The following PLD1 variants were observed in gnomAD, a reference collection of about 807,000 sequenced individuals.
The protein encoded by PLD1 is choline phosphatase 1.
A neutral mutation model predicts 137.1 loss-of-function variants in PLD1; 112 were observed. The observed-to-expected ratio is 0.82, with a 90% confidence interval of 0.70 to 0.96. The LOEUF (loss-of-function observed/expected upper bound fraction) is 0.96. Ranked by LOEUF, PLD1 falls within the 40% of genes least tolerant of loss-of-function variation. The probability of loss-of-function intolerance (pLI) is 0.00; values close to 1 mark genes in which losing one functional copy is unlikely to be tolerated. For synonymous variants in PLD1, 431 were observed against 454.7 expected (o/e 0.95, Z 0.66); for missense variants, 1,321 against 1,342.0 (o/e 0.98, Z 0.24).
intron 2 of PLD1, 109 bp downstream of exon 2, chr3:171,737,783 T>G: frequency 7.4e-7 from 1 of 1,350,950 alleles, no homozygotes; most frequent in Non-Finnish European, 1.0e-6. Flanking sequence ...CTGAGCCCGG[T>G]GTTACATCTG....
rs34861885 is a variant in PLD1, at chr3:171,704,458, G to GAAA, written c.1145+4294_1145+4296dup. 3.9e-3 allele frequency among the ~76,000 whole-genome samples: 369 copies of GAAA among 95,216 alleles called. 3 individuals are homozygous for GAAA. The highest frequency in any genetic ancestry group is 0.011 in the African/African-American group (339 of 30,272). The allele number at this position is 95,216 out of a possible 152,430, so 62.5% of individuals were successfully genotyped here. A position where few individuals can be genotyped will look rare whatever the true frequency, so the allele number is the denominator to read the frequency against. ...AAGTACCTGGCACACAAAGAACCAG[G>GAAA]AAAAAAAAAAAAAAAAAAACCTTAT... On this transcript the variant is annotated intron_variant, in intron 11 of 26. Coordinates refer to ENST00000351298, the MANE Select transcript of PLD1 (RefSeq NM_002662.5).
intron 3 of PLD1, among the ~76,000 whole-genome samples, chr3:171,736,830 C>T (rs1719394289): frequency 6.6e-6 from 1 of 152,240 alleles, no homozygotes. Context: ...CCCCCGGAGA[C>T]TTAACAACTG....
chr3:171,803,744 A>G (rs1001087915), intron 1 of PLD1, among the ~76,000 whole-genome samples: 21 of 152,152 alleles, frequency 1.4e-4, no homozygotes, highest in African/African-American at 4.8e-4. Flanking sequence ...AAAAAAAGAA[A>G]TTCCTATCAT....
intron 1 of PLD1, among the ~76,000 whole-genome samples, chr3:171,775,248 A>G (rs9823312): frequency 0.12 from 17,843 of 152,032 alleles, 1,208 homozygotes; most frequent in South Asian, 0.19. Context: ...AGTTATTGCA[A>G]TATCTCAAAG....
intron 1 of PLD1, among the ~76,000 whole-genome samples, chr3:171,747,484 T>TTC (rs1489192600): frequency 2.0e-5 from 3 of 151,536 alleles, no homozygotes; most frequent in African/African-American, 7.3e-5. Context: ...TTTTTTTTTT[T>TTC]CTCCTCTAGA....
intron 11 of PLD1, among the ~76,000 whole-genome samples, chr3:171,706,199 G>A (rs1716681438): frequency 6.6e-6 from 1 of 151,094 alleles, no homozygotes; most frequent in African/African-American, 2.4e-5. Context: ...AAAATTAGTA[G>A]CCCTTATTAC....
At chr3:171,630,861 T>C (rs1443039076) in intron 23 of PLD1, among the ~76,000 whole-genome samples, 3 of 103,270 alleles carry the variant, frequency 2.9e-5, no homozygotes, top group African/African-American at 1.2e-4. Context: ...CTGGGGACTG[T>C]TGTGGGGTGG....
intron 23 of PLD1, among the ~76,000 whole-genome samples, chr3:171,630,058 C>T (rs1454899885): frequency 6.6e-6 from 1 of 151,904 alleles, no homozygotes; most frequent in African/African-American, 2.4e-5. Context: ...AAAGAAACTA[C>T]CATCAGAGTG....
chr3:171,724,640 G>T, intron 8 of PLD1, 56 bp downstream of exon 8: 1 of 972,660 alleles, frequency 1.0e-6, no homozygotes, highest in Non-Finnish European at 1.7e-6. Context: ...TGTAAAACTA[G>T]CCCAAATACC....
intron 21 of PLD1, among the ~76,000 whole-genome samples, chr3:171,657,648 T>C (rs1041116049): frequency 2.6e-5 from 4 of 152,038 alleles, no homozygotes; most frequent in Admixed American, 6.6e-5. Flanking sequence ...AGTAACAAAA[T>C]GAGTCAAATA....
intron 25 of PLD1, among the ~76,000 whole-genome samples, chr3:171,608,461 C>G (rs1454941223): frequency 6.6e-6 from 1 of 152,036 alleles, no homozygotes; most frequent in Admixed American, 6.6e-5. Flanking sequence ...TTATGAATAA[C>G]CAAGATTATT....
intron 1 of PLD1, chr3:171,788,576 T>C (rs1054926607): frequency 3.3e-5 from 5 of 152,028 alleles, no homozygotes; most frequent in African/African-American, 1.2e-4. Flanking sequence ...TAACAACAAA[T>C]AAAACAAGGT....
At chr3:171,753,960 G>A (rs953082729) in intron 1 of PLD1, among the ~76,000 whole-genome samples, 4 of 151,594 alleles carry the variant, frequency 2.6e-5, no homozygotes, top group Admixed American at 6.6e-5. Context: ...GCAGCTTTGC[G>A]TTCCTCCAAC....
At chr3:171,722,042 T>G (rs1192701111) in intron 8 of PLD1, among the ~76,000 whole-genome samples, 4 of 152,202 alleles carry the variant, frequency 2.6e-5, no homozygotes, top group Non-Finnish European at 5.9e-5. Context: ...TTTATCATTT[T>G]CAATTTGGGG....
chr3:171,629,632 C>T (rs1168870586), intron 23 of PLD1, among the ~76,000 whole-genome samples: 2 of 151,842 alleles, frequency 1.3e-5, no homozygotes, highest in Non-Finnish European at 2.9e-5. Context: ...GCTACAGTAA[C>T]CAAAACAGCA....
intron 24 of PLD1, among the ~76,000 whole-genome samples, chr3:171,619,377 G>A (rs1159675530): frequency 6.6e-6 from 1 of 152,156 alleles, no homozygotes; most frequent in Non-Finnish European, 1.5e-5. Flanking sequence ...GAATGTACAA[G>A]TTATTTAGGA....
chr3:171,726,662 T>G (rs1276221005), intron 6 of PLD1, among the ~76,000 whole-genome samples: 1 of 152,194 alleles, frequency 6.6e-6, no homozygotes, highest in East Asian at 1.9e-4. Context: ...TGAAAAGAAT[T>G]ATTTTTAATG....
intron 23 of PLD1, among the ~76,000 whole-genome samples, chr3:171,636,372 G>T (rs73038070): frequency 0.035 from 5,396 of 152,060 alleles, 222 homozygotes; most frequent in African/African-American, 0.1. Flanking sequence ...GGAGAGTACT[G>T]CCATCTTAAC....
Position 171,602,517 on chromosome 3 carries a change from G to C in PLD1, c.*561C>G, listed in dbSNP as rs554375221. On this transcript the variant is annotated 3_prime_UTR_variant, in exon 27 of 27. Transcript: ENST00000351298. ...GCCGTGTTCGTACAGTGACTGAAAA[G>C]GAATAATGACTATATCCTCATTTGG... 160 of 159,048 alleles carry C rather than the reference G, an allele frequency of 1.0e-3. 1 individual carries two copies. Among genetic ancestry groups the C allele is most frequent in the Non-Finnish European group, 1.9e-3 (138 of 71,934 alleles). The allele number at this position is 159,048 out of a possible 1,614,324, so 9.9% of individuals were successfully genotyped here. A position where few individuals can be genotyped will look rare whatever the true frequency, so the allele number is the denominator to read the frequency against.
Sources: allele counts gnomAD v4.1 joint callset (sites outside exome capture counted in the v4.1 genomes callset), GRCh38; gene constraint gnomAD v4.1.1; transcripts MANE v1.5; gene names NCBI Gene and HGNC (gene_info 2026-07-23, HGNC 2026-07-21).